Variants in CSMD1 observed in about 807,000 individuals in gnomAD.
CSMD1 encodes the protein CUB and sushi domain-containing protein 1.
Under a neutral mutation model 417.5 loss-of-function variants are expected in CSMD1, and 213 were observed. The observed-to-expected ratio is 0.51, with a 90% CI of 0.46 to 0.57. CSMD1 has a LOEUF of 0.57. Among genes scored for constraint, CSMD1 ranks in the 20% least tolerant of loss-of-function variants. The probability of loss-of-function intolerance (pLI) is 0.00; values close to 1 mark genes in which losing one functional copy is unlikely to be tolerated. For missense variants in CSMD1, 6,923 were observed against 4,529.7 expected (o/e 1.53, Z -15.17); for synonymous variants, 2,862 against 1,736.8 (o/e 1.65, Z -16.11).
intron 5 of CSMD1, among the ~76,000 whole-genome samples, chr8:3,969,841 T>A (rs553087735): frequency 6.6e-6 from 1 of 152,294 alleles, no homozygotes; most frequent in African/African-American, 2.4e-5. Flanking sequence ...GAAGTATCCA[T>A]CTATAAGTGC....
intron 1 of CSMD1, among the ~76,000 whole-genome samples, chr8:4,663,411 C>A (rs999981968): frequency 1.3e-5 from 2 of 152,140 alleles, no homozygotes; most frequent in African/African-American, 2.4e-5. Flanking sequence ...TGGTTTGGGT[C>A]AATGTCCCTG....
chr8:3,771,787 A>G (rs972178425), intron 5 of CSMD1, among the ~76,000 whole-genome samples: 4 of 152,136 alleles, frequency 2.6e-5, no homozygotes, highest in Non-Finnish European at 5.9e-5. Flanking sequence ...ATTGCAGGAA[A>G]GAACTCTGGG....
chr8:3,209,441 C>G (rs905473703), intron 30 of CSMD1, among the ~76,000 whole-genome samples: 2 of 152,100 alleles, frequency 1.3e-5, no homozygotes, highest in South Asian at 4.2e-4. Context: ...CTCAGCCTCC[C>G]GAGTAGCTGG....
rs146442449 is a variant in CSMD1 at position 3,996,318 on chromosome 8, T to C, written c.818+1585A>G. Among the ~76,000 whole-genome samples the C allele has an allele frequency of 5.2e-4, 79 of 152,374 alleles. No individual in the cohort carries two copies. In the East Asian group the frequency reaches 0.014, roughly 26 times the overall value. On this transcript the variant is annotated intron_variant, in intron 5 of 69. Transcript: ENST00000635120. ...TGAGAATGAGTCCCTATATATTTTA[T>C]ACTTCAATTATTTTCTGAAAACCAC...
At chr8:4,835,298 G>C (rs909442502) in intron 1 of CSMD1, among the ~76,000 whole-genome samples, 1 of 152,162 alleles carries the variant, frequency 6.6e-6, no homozygotes, top group Non-Finnish European at 1.5e-5. Context: ...CGGAGATTAC[G>C]TTTGAAAAGA....
intron 1 of CSMD1, among the ~76,000 whole-genome samples, chr8:4,920,383 G>A (rs574435098): frequency 7.9e-4 from 120 of 152,320 alleles, no homozygotes; most frequent in Admixed American, 1.2e-3. Context: ...ATATGGAAAT[G>A]CTGGCAGTAT....
At chr8:3,524,410 T>C (rs1003157792) in intron 10 of CSMD1, among the ~76,000 whole-genome samples, 2 of 141,812 alleles carry the variant, frequency 1.4e-5, no homozygotes, top group Admixed American at 1.4e-4. Context: ...CCCAGACATA[T>C]GCACACACAA....
At chr8:2,970,874 C>T (rs1284494488) in intron 57 of CSMD1, among the ~76,000 whole-genome samples, 4 of 152,158 alleles carry the variant, frequency 2.6e-5, no homozygotes, top group Non-Finnish European at 5.9e-5. Context: ...TTTGTAACTC[C>T]ACACTTTGTT....
intron 4 of CSMD1, among the ~76,000 whole-genome samples, chr8:4,021,741 C>T (rs1179650956): frequency 7.2e-5 from 11 of 152,068 alleles, no homozygotes; most frequent in African/African-American, 2.7e-4. Flanking sequence ...TTACCTATCC[C>T]CGTCCCCTCC....
intron 22 of CSMD1, among the ~76,000 whole-genome samples, chr8:3,347,392 G>C (rs1382781647): frequency 6.6e-6 from 1 of 152,174 alleles, no homozygotes; most frequent in Non-Finnish European, 1.5e-5. Context: ...AATCAACGCA[G>C]GACCTGGGTA....
chr8:4,500,990 T>C (rs1217031186), intron 2 of CSMD1, among the ~76,000 whole-genome samples: 1 of 152,118 alleles, frequency 6.6e-6, no homozygotes, highest in African/African-American at 2.4e-5. Flanking sequence ...AGGTTGATGA[T>C]GTCCAAATGG....
intron 38 of CSMD1, among the ~76,000 whole-genome samples, chr8:3,161,063 T>C (rs1288110906): frequency 9.9e-5 from 15 of 152,202 alleles, no homozygotes; most frequent in Admixed American, 6.5e-4. Flanking sequence ...AGCTAAAATA[T>C]TCTATTACCT....
rs774545291 is a variant in CSMD1 at position 2,938,237 on chromosome 8, G to A, written c.*348C>T. The A allele has an allele frequency of 9.5e-6, 2 of 209,652 alleles. No homozygotes were observed. Among genetic ancestry groups the A allele is most frequent in the Admixed American group, 5.8e-5 (1 of 17,312 alleles). The allele number at this position is 209,652 out of a possible 1,614,324, so 13.0% of individuals were successfully genotyped here. Reference sequence around the variant, plus strand: ...GAGGGACATATCCACGAGCCCAGACGATTGCATTGAAAGGCATCTCAGCAA... The same window carrying A: ...GAGGGACATATCCACGAGCCCAGACAATTGCATTGAAAGGCATCTCAGCAA... On this transcript the variant is annotated 3_prime_UTR_variant, in exon 70 of 70. Coordinates refer to ENST00000635120, the MANE Select transcript of CSMD1 (RefSeq NM_033225.6).
At chr8:3,774,827 G>C (rs1161152069) in intron 5 of CSMD1, among the ~76,000 whole-genome samples, 1 of 152,106 alleles carries the variant, frequency 6.6e-6, no homozygotes, top group African/African-American at 2.4e-5. Flanking sequence ...TCATTCTCAA[G>C]GGATACATTC....
At chr8:4,073,378 G>A (rs1041115809) in intron 3 of CSMD1, among the ~76,000 whole-genome samples, 1 of 152,100 alleles carries the variant, frequency 6.6e-6, no homozygotes, top group African/African-American at 2.4e-5. Context: ...CGTACTTAAT[G>A]AAGCTAAAAA....
In CSMD1 at chr8:4,606,842, G is replaced by A. The variant is rs1018010336; in HGVS notation, c.302+30500C>T. On this transcript the variant is annotated intron_variant, in intron 2 of 69. Coordinates refer to ENST00000635120, the MANE Select transcript of CSMD1 (RefSeq NM_033225.6). Reference sequence around the variant, plus strand: ...AATTTTATAAATCCAGAAATAATATGACATTTTAATTAAAGTGAAATCACA... The same window carrying A: ...AATTTTATAAATCCAGAAATAATATAACATTTTAATTAAAGTGAAATCACA... Among the ~76,000 whole-genome samples the A allele has an allele frequency of 3.3e-5, 5 of 152,128 alleles. No individual in the cohort carries two copies. The East Asian group carries it at 7.7e-4, about 23-fold the overall frequency.
intron 3 of CSMD1, among the ~76,000 whole-genome samples, chr8:4,093,083 A>T (rs532150261): frequency 2.0e-5 from 3 of 152,246 alleles, no homozygotes; most frequent in African/African-American, 7.2e-5. Context: ...GAATATTTTA[A>T]CCACATAATT....
intron 21 of CSMD1, among the ~76,000 whole-genome samples, chr8:3,354,875 A>ATATATATAGATATCTATATCTATAGATC (rs1808647650): frequency 1.4e-5 from 1 of 71,522 alleles, no homozygotes; most frequent in African/African-American, 7.1e-5. Flanking sequence ...AGATATACAT[A>ATATATATAGATATCTATATCTATAGATC]TATCTATAGA....
At chr8:4,060,931 A>T (rs552826305) in intron 3 of CSMD1, among the ~76,000 whole-genome samples, 9 of 152,328 alleles carry the variant, frequency 5.9e-5, no homozygotes, top group Non-Finnish European at 1.3e-4. Flanking sequence ...AGAAGAAACC[A>T]ACATAGAAGC....
Sources: gnomAD v4.1 joint callset for allele counts (sites outside exome capture counted in the v4.1 genomes callset) on GRCh38, gnomAD v4.1.1 for gene constraint, MANE v1.5 for transcripts, NCBI Gene and HGNC (gene_info 2026-07-23, HGNC 2026-07-21) for gene names.